Variants in RGS8 observed in about 807,000 individuals in gnomAD.
RGS8 encodes regulator of G protein signaling 8.
Under a neutral mutation model 21.7 loss-of-function variants are expected in RGS8, and 8 were observed. The ratio of observed to expected loss-of-function variants is 0.37; its 90% confidence interval spans 0.22 to 0.66. RGS8 has a LOEUF of 0.66. Ranked by LOEUF, RGS8 falls within the 30% of genes least tolerant of loss-of-function variation. The probability of loss-of-function intolerance (pLI) is 0.59; values close to 1 mark genes in which losing one functional copy is unlikely to be tolerated. For missense variants in RGS8, 157 were observed against 217.9 expected, an observed-to-expected ratio of 0.72 and a Z score of 1.76; for synonymous variants, 80 against 83.6, an observed-to-expected ratio of 0.96 and a Z score of 0.24.
intron 5 of RGS8, among the ~76,000 whole-genome samples, chr1:182,648,922 A>G (rs614578): frequency 0.099 from 15,060 of 152,142 alleles, 1,579 homozygotes; most frequent in African/African-American, 0.26. Context: ...CCAACATGGC[A>G]AAACGTCATC....
At chr1:182,685,173 G>A (rs1401932233), upstream of RGS8, among the ~76,000 whole-genome samples, 5 of 152,082 alleles carry the variant, frequency 3.3e-5, no homozygotes, top group Admixed American at 3.3e-4. Context: ...CTGCAAACAA[G>A]CCTGACTGTC....
chr1:182,730,392 A>C, the RGS8 span, among the ~76,000 whole-genome samples: 2 of 152,112 alleles, frequency 1.3e-5, no homozygotes, highest in African/African-American at 4.8e-5. Flanking sequence ...CTTTTCTAGC[A>C]GAGTTTGGCT....
chr1:182,660,616 G>T (rs548181708), intron 5 of RGS8, among the ~76,000 whole-genome samples: 2 of 150,616 alleles, frequency 1.3e-5, no homozygotes, highest in East Asian at 1.9e-4. Flanking sequence ...ACAATGTACT[G>T]CTAGGGATGC....
the RGS8 span, among the ~76,000 whole-genome samples, chr1:182,727,689 T>C: frequency 1.3e-5 from 2 of 152,130 alleles, no homozygotes; most frequent in African/African-American, 2.4e-5. Flanking sequence ...CTACTTTTTA[T>C]TATAATTAAT....
At chr1:182,681,695 C>A (rs187963038) in intron 1 of RGS8, among the ~76,000 whole-genome samples, 2 of 152,198 alleles carry the variant, frequency 1.3e-5, no homozygotes, top group African/African-American at 2.4e-5. Context: ...GCCTTGCTTG[C>A]GGGCATGTGC....
chr1:182,698,955 T>C, the RGS8 span, among the ~76,000 whole-genome samples: 1 of 152,194 alleles, frequency 6.6e-6, no homozygotes, highest in Admixed American at 6.5e-5. Flanking sequence ...AGCACGTCTG[T>C]GTAAGCGCCC....
the RGS8 span, among the ~76,000 whole-genome samples, chr1:182,741,298 G>C: frequency 3.4e-5 from 1 of 29,818 alleles, no homozygotes; most frequent in Non-Finnish European, 7.0e-5. Context: ...GGGGCGGCTG[G>C]CCGGGTGGGG....
chr1:182,693,993 G>A, the RGS8 span, among the ~76,000 whole-genome samples: 1 of 152,154 alleles, frequency 6.6e-6, no homozygotes, highest in African/African-American at 2.4e-5. Flanking sequence ...GGAGGAGAGT[G>A]AGGATAGTAT....
chr1:182,674,373 T>A (rs541484287), upstream of RGS8, among the ~76,000 whole-genome samples: 15 of 151,774 alleles, frequency 9.9e-5, no homozygotes, highest in African/African-American at 3.6e-4. Flanking sequence ...ACAAGAAAAA[T>A]GTAAAAGAAA....
At chr1:182,724,201 G>GACATATAT in the RGS8 span, among the ~76,000 whole-genome samples, 1 of 42,118 alleles carries the variant, frequency 2.4e-5, no homozygotes, top group South Asian at 8.5e-4. Context: ...GGCTAGACTG[G>GACATATAT]ATATATATAT....
the RGS8 span, among the ~76,000 whole-genome samples, chr1:182,746,027 G>C: frequency 6.6e-6 from 1 of 152,236 alleles, no homozygotes; most frequent in South Asian, 2.1e-4. Flanking sequence ...CTAGGGTAAA[G>C]AAGAGGATAC....
the RGS8 span, among the ~76,000 whole-genome samples, chr1:182,728,109 T>C: frequency 6.6e-6 from 1 of 152,194 alleles, no homozygotes; most frequent in Non-Finnish European, 1.5e-5. Context: ...AACTAAATAA[T>C]TACAAAATCA....
chr1:182,719,413 G>A, the RGS8 span, among the ~76,000 whole-genome samples: 1 of 150,674 alleles, frequency 6.6e-6, no homozygotes, highest in Non-Finnish European at 1.5e-5. Context: ...TGAATTGTTT[G>A]AAAATTTTCA....
chr1:182,747,736 G>C, the RGS8 span, among the ~76,000 whole-genome samples: 1 of 151,996 alleles, frequency 6.6e-6, no homozygotes, highest in African/African-American at 2.4e-5. Flanking sequence ...TTGGCCAGGC[G>C]CATTGGCTCA....
the RGS8 span, among the ~76,000 whole-genome samples, chr1:182,708,926 G>T: frequency 6.6e-6 from 1 of 152,208 alleles, no homozygotes; most frequent in Admixed American, 6.5e-5. Flanking sequence ...CGGAAGCTTG[G>T]GGCAGGGAAA....
At chr1:182,647,117 T>C (rs911805521) in intron 6 of RGS8, among the ~76,000 whole-genome samples, 200 bp from the exon 8 acceptor site, 1 of 152,190 alleles carries the variant, frequency 6.6e-6, no homozygotes, top group Non-Finnish European at 1.5e-5. Flanking sequence ...ATATTCTCAG[T>C]CCCAATTTAT....
At chr1:182,658,388 A>T (rs1213825091) in intron 5 of RGS8, 1 of 152,210 alleles carries the variant, frequency 6.6e-6, no homozygotes, top group Non-Finnish European at 1.5e-5. Flanking sequence ...GGAAAAATAC[A>T]AGAGCACAAC....
At chr1:182,737,581 G>A in the RGS8 span, among the ~76,000 whole-genome samples, 4 of 152,152 alleles carry the variant, frequency 2.6e-5, no homozygotes, top group East Asian at 1.9e-4. Flanking sequence ...CATGTAAGAC[G>A]TGCTTTTGCT....
chr1:182,648,050 C>A, intron 6 of RGS8, 87 bp downstream of exon 7: 1 of 1,254,902 alleles, frequency 8.0e-7, no homozygotes, highest in Non-Finnish European at 1.1e-6. Flanking sequence ...AGAAAGTCCT[C>A]ATCAAGCCTG....
Sources: gnomAD v4.1 joint callset for allele counts (sites outside exome capture counted in the v4.1 genomes callset) on GRCh38, gnomAD v4.1.1 for gene constraint, MANE v1.5 for transcripts, NCBI Gene and HGNC (gene_info 2026-07-23, HGNC 2026-07-21) for gene names.